ICE1: variants seen among roughly 807,000 people sequenced by gnomAD.
ICE1 encodes the protein interactor of little elongation complex ELL subunit 1.
Under a neutral mutation model 192.7 loss-of-function variants are expected in ICE1, and 64 were observed. The ratio of observed to expected loss-of-function variants is 0.33; its 90% CI spans 0.27 to 0.41. The LOEUF (loss-of-function observed/expected upper bound fraction) is 0.41. Ranked by LOEUF, ICE1 falls within the 10% of genes least tolerant of loss-of-function variation. ICE1 has a pLI of 1.00. For missense variants in ICE1, 2,708 were observed against 2,696.0 expected (o/e 1.00, Z -0.10); for synonymous variants, 1,010 against 984.5 (o/e 1.03, Z -0.49).
In ICE1 at chr5:5,447,808, A is replaced by G. The variant is rs115370580; in HGVS notation, c.548-33A>G. On this transcript the variant is annotated intron_variant, in intron 9 of 18. Coordinates refer to ENST00000296564, the MANE Select transcript of ICE1 (RefSeq NM_015325.3). ...CATAAATTTATTTTTGATATGTAGTATTTTATTAACCGTTTTTTCCCCATG... is the reference window on the plus strand; with the variant it reads ...CATAAATTTATTTTTGATATGTAGTGTTTTATTAACCGTTTTTTCCCCATG... 5.2e-3 allele frequency: 8,205 copies of G among 1,571,080 alleles called. 29 individuals are homozygous for G. The highest frequency in any genetic ancestry group is 6.3e-3 in the Non-Finnish European group (7,306 of 1,155,678).
chr5:5,445,017 C>T (rs1383607676), intron 7 of ICE1, among the ~76,000 whole-genome samples: 2 of 152,186 alleles, frequency 1.3e-5, no homozygotes. Flanking sequence ...CTGCCAGATC[C>T]ATCCTGCACA....
chr5:5,466,325 T>C lies in ICE1; in HGVS notation c.5893-9T>C, dbSNP rs1329746274. The C allele has an allele frequency of 6.3e-7, 1 of 1,583,172 alleles. No homozygotes were observed. The highest frequency in any genetic ancestry group is 8.6e-7 in the Non-Finnish European group (1 of 1,168,366). On this transcript the variant is annotated splice_polypyrimidine_tract_variant and intron_variant, in intron 13 of 18. Transcript: ENST00000296564. ...GTACATTGCCTTTTTAATTTTTTTT[T>C]CAATCCAGCATTTAGCAGAGTGCTT... is the stretch of plus-strand genomic sequence containing the variant.
Position 5,462,582 on chromosome 5 carries a change from A to G in ICE1, c.3248A>G (p.Gln1083Arg). The change falls in exon 13 of 19, where the codon CAG becomes CGG. Residue 1083 changes from glutamine to arginine, a missense_variant. By Grantham distance (43) the Gln-to-Arg change is conservative. Coordinates refer to ENST00000296564, the MANE Select transcript of ICE1 (RefSeq NM_015325.3). Reference protein sequence around the residue: ...SAFCRKHGETQDTSQSSLPGT... With the variant: ...SAFCRKHGETRDTSQSSLPGT... ...TTTTGCAGAAAACATGGAGAGACAC[A>G]GGATACCTCCCAAAGTAGCCTGCCT... The G allele has an allele frequency of 6.2e-7, 1 of 1,614,022 alleles. No homozygotes were observed. Among genetic ancestry groups the G allele is most frequent in the Non-Finnish European group, 8.5e-7 (1 of 1,179,886 alleles).
chr5:5,487,431 A>G (rs958922070), intron 18 of ICE1, among the ~76,000 whole-genome samples: 4 of 152,224 alleles, frequency 2.6e-5, no homozygotes, highest in Non-Finnish European at 5.9e-5. Flanking sequence ...CAGTTAAGCA[A>G]CATGCCATCA....
At chr5:5,458,245 T>G (rs1333836062) in intron 12 of ICE1, among the ~76,000 whole-genome samples, 1 of 152,334 alleles carries the variant, frequency 6.6e-6, no homozygotes, top group East Asian at 1.9e-4. Context: ...TATTTTTGGC[T>G]TAAGGAACAG....
intron 17 of ICE1, among the ~76,000 whole-genome samples, chr5:5,478,363 G>A (rs1739401250): frequency 6.6e-6 from 1 of 152,192 alleles, no homozygotes; most frequent in South Asian, 2.1e-4. Flanking sequence ...ATTCATAATT[G>A]CTACAAAGAG....
At chr5:5,471,303 G>T (rs765925907) in intron 15 of ICE1, among the ~76,000 whole-genome samples, 1 of 152,114 alleles carries the variant, frequency 6.6e-6, no homozygotes, top group East Asian at 1.9e-4. Context: ...TGGCTTTGGG[G>T]TAGAAAACTT....
Position 5,490,103 on chromosome 5 carries a change from T to C in ICE1, c.*773T>C, listed in dbSNP as rs539844336. 6.6e-6 allele frequency: 1 copy of C among 152,364 alleles called. No homozygotes were observed. Among genetic ancestry groups the C allele is most frequent in the East Asian group, 1.9e-4 (1 of 5,194 alleles). The allele number at this position is 152,364 out of a possible 1,614,324, so 9.4% of individuals were successfully genotyped here. On this transcript the variant is annotated 3_prime_UTR_variant, in exon 19 of 19. Coordinates refer to ENST00000296564, the MANE Select transcript of ICE1 (RefSeq NM_015325.3). ...TGATATTCCACTTTGGGAATTTTAG[T>C]ATTTGTATATAGAAAATGGGTTTAA...
At chr5:5,451,020 T>C (rs997946859) in intron 10 of ICE1, among the ~76,000 whole-genome samples, 4 of 152,172 alleles carry the variant, frequency 2.6e-5, no homozygotes, top group South Asian at 2.1e-4. Context: ...TAAAATACTT[T>C]TCAAATGTAT....
chr5:5,489,876 C>T lies in ICE1; in HGVS notation c.*546C>T, dbSNP rs1156329790. On this transcript the variant is annotated 3_prime_UTR_variant, in exon 19 of 19. Transcript: ENST00000296564. Reference sequence around the variant, plus strand: ...AACATGCAGAGCCCTTAGCAGAAACCCACTTTAATGCATTTTCTTCATATC... The same window carrying T: ...AACATGCAGAGCCCTTAGCAGAAACTCACTTTAATGCATTTTCTTCATATC... 6.6e-6 allele frequency: 1 copy of T among 152,132 alleles called. No individual in the cohort carries two copies. Among genetic ancestry groups the T allele is most frequent in the Non-Finnish European group, 1.5e-5 (1 of 68,034 alleles). The allele number at this position is 152,132 out of a possible 1,614,324, so 9.4% of individuals were successfully genotyped here.
At chr5:5,477,787 A>G (rs190026069) in intron 17 of ICE1, among the ~76,000 whole-genome samples, 1 of 152,206 alleles carries the variant, frequency 6.6e-6, no homozygotes, top group Non-Finnish European at 1.5e-5. Context: ...ATCCACCACG[A>G]TCAAGTCAGC....
chr5:5,452,878 G>A lies in ICE1; in HGVS notation c.605-1674G>A, dbSNP rs77221913. Among the ~76,000 whole-genome samples the A allele has an allele frequency of 7.3e-3, 1,110 of 152,222 alleles. 13 individuals carry two copies. The highest frequency in any genetic ancestry group is 0.025 in the African/African-American group (1,052 of 41,546). Reference sequence around the variant, plus strand: ...CATACATGCCTTAGAGTTTGATAAAGGCAGAATTTTAAAGGATCAGGGAAA... The same window carrying A: ...CATACATGCCTTAGAGTTTGATAAAAGCAGAATTTTAAAGGATCAGGGAAA... On this transcript the variant is annotated intron_variant, in intron 10 of 18. Transcript: ENST00000296564.
chr5:5,432,230 C>A (rs1348036899), intron 1 of ICE1, among the ~76,000 whole-genome samples: 1 of 152,192 alleles, frequency 6.6e-6, no homozygotes, highest in African/African-American at 2.4e-5. Flanking sequence ...CTGGCAGCCA[C>A]TGGATTACTT....
At chr5:5,457,226 T>C in intron 11 of ICE1, 106 bp from the exon 12 acceptor site, 1 of 1,111,740 alleles carries the variant, frequency 9.0e-7, no homozygotes, top group Non-Finnish European at 1.2e-6. Flanking sequence ...GACTTAATAT[T>C]TCAAGCATTT....
chr5:5,433,767 G>A (rs1340924305), intron 1 of ICE1, among the ~76,000 whole-genome samples: 1 of 152,100 alleles, frequency 6.6e-6, no homozygotes, highest in African/African-American at 2.4e-5. Flanking sequence ...GACAGGTCAT[G>A]ATTTAACGCT....
In ICE1 at chr5:5,463,004, T is replaced by C. The variant is rs761059289; in HGVS notation, c.3670T>C (p.Cys1224Arg). Residue 1224 changes from cysteine to arginine, a missense_variant, in exon 13 of 19, where the codon TGT becomes CGT. By Grantham distance (180) the Cys-to-Arg change is radical. Transcript: ENST00000296564. Reference sequence around the variant, plus strand: ...AGGAGAAAAATACAGAAAGCAACCCTGTGAGGAAGAAACACTTGGAACCTG... The same window carrying C: ...AGGAGAAAAATACAGAAAGCAACCCCGTGAGGAAGAAACACTTGGAACCTG... ...EIGEKYRKQPCEEETLGTCEE... is the reference protein window; with the variant it reads ...EIGEKYRKQPREEETLGTCEE... The C allele has an allele frequency of 6.2e-7, 1 of 1,613,722 alleles. No individual in the cohort carries two copies. The highest frequency in any genetic ancestry group is 2.2e-5 in the East Asian group (1 of 44,864).
intron 17 of ICE1, among the ~76,000 whole-genome samples, chr5:5,480,546 C>T (rs565066528): frequency 1.3e-4 from 20 of 152,152 alleles, no homozygotes; most frequent in South Asian, 6.2e-4. Context: ...CGCGCCCAGC[C>T]GGATTTTTCT....
At chr5:5,479,938 G>A (rs950963219) in intron 17 of ICE1, among the ~76,000 whole-genome samples, 1 of 152,030 alleles carries the variant, frequency 6.6e-6, no homozygotes, top group African/African-American at 2.4e-5. Context: ...GCCTGTCGGG[G>A]CATGGGGGGT....
intron 1 of ICE1, 53 bp from the exon 2 acceptor site, chr5:5,436,365 A>AT: frequency 1.9e-6 from 2 of 1,029,072 alleles, no homozygotes; most frequent in Admixed American, 6.7e-5. Context: ...ACAGACAATA[A>AT]TTATATTTAA....
Sources: gnomAD v4.1 joint callset for allele counts (sites outside exome capture counted in the v4.1 genomes callset) on GRCh38, gnomAD v4.1.1 for gene constraint, MANE v1.5 for transcripts, NCBI Gene and HGNC (gene_info 2026-07-23, HGNC 2026-07-21) for gene names.